Variants in SOCS5 observed in about 807,000 individuals in gnomAD.
The protein encoded by SOCS5 is suppressor of cytokine signaling 5.
A neutral mutation model predicts 42.8 loss-of-function variants in SOCS5; 32 were observed. The ratio of observed to expected loss-of-function variants is 0.75; its 90% confidence interval spans 0.56 to 1.01. The LOEUF (loss-of-function observed/expected upper bound fraction) is 1.01, where lower values mean the gene tolerates loss of function less well. Ranked by LOEUF, SOCS5 falls within the 50% of genes least tolerant of loss-of-function variation. The pLI, the probability that SOCS5 is intolerant of heterozygous loss-of-function variation, is 0.00. For missense variants in SOCS5, 627 were observed against 653.0 expected, an observed-to-expected ratio of 0.96 and a Z score of 0.43; for synonymous variants, 283 against 229.6, an observed-to-expected ratio of 1.23 and a Z score of -2.10.
intron 1 of SOCS5, among the ~76,000 whole-genome samples, chr2:46,720,686 C>T (rs1572834404): frequency 6.6e-6 from 1 of 152,088 alleles, no homozygotes; most frequent in East Asian, 1.9e-4. Flanking sequence ...GGGATCTGGT[C>T]CAATTCCCTG....
At chr2:46,753,886 C>T (rs1198020646) in intron 1 of SOCS5, among the ~76,000 whole-genome samples, 1 of 152,104 alleles carries the variant, frequency 6.6e-6, no homozygotes, top group African/African-American at 2.4e-5. Flanking sequence ...CATCCTAATG[C>T]ATTATAATTA....
intron 1 of SOCS5, among the ~76,000 whole-genome samples, chr2:46,715,976 A>G (rs1469948440): frequency 1.3e-5 from 2 of 151,516 alleles, no homozygotes; most frequent in Non-Finnish European, 1.5e-5. Flanking sequence ...TTTTCTTCCA[A>G]TCTGTTTCTT....
At chr2:46,758,442 G>C (rs924199913) in intron 1 of SOCS5, 77 bp from the exon 2 acceptor site, 9 of 933,732 alleles carry the variant, frequency 9.6e-6, no homozygotes, top group Non-Finnish European at 9.7e-6. Flanking sequence ...ACGGGAAGGG[G>C]TGTGGGCACT....
At chr2:46,751,296 TGATTA>T (rs1558412296) in intron 1 of SOCS5, among the ~76,000 whole-genome samples, 1 of 152,144 alleles carries the variant, frequency 6.6e-6, no homozygotes, top group African/African-American at 2.4e-5. Context: ...TTTATTTCTT[TGATTA>T]CTCACTTCAA....
At position 46,762,825 on chromosome 2, in the gene SOCS5, A is replaced by G. The variant is rs1673899274; in HGVS notation, c.*2684A>G. The stretch of plus-strand genomic sequence containing the variant: ...ATAGTTGAAATAATTAACCCAAGAA[A>G]AGGTTGCTTTGATTTGTACCCATTC... On this transcript the variant is annotated 3_prime_UTR_variant, in exon 2 of 2. Transcript: ENST00000394861. 6.0e-6 allele frequency: 1 copy of G among 165,756 alleles called. No homozygotes were observed. Among genetic ancestry groups the G allele is most frequent in the Non-Finnish European group, 1.5e-5 (1 of 68,080 alleles). 10.3% of individuals were successfully genotyped at this position (165,756 alleles called of 1,614,324 possible). A position where few individuals can be genotyped will look rare whatever the true frequency, so the allele number is the denominator to read the frequency against.
At position 46,712,010 on chromosome 2, in the gene SOCS5, T is replaced by A. The variant is rs72881388; in HGVS notation, c.-13+12561T>A. On this transcript the variant is annotated intron_variant, in intron 1 of 1. Transcript: ENST00000394861. Reference sequence around the variant, plus strand: ...TCTTGAAATAAGGTAATAGAACTTCTCCAGTTTAGTTCTTATTTTTCAAGA... The same window carrying A: ...TCTTGAAATAAGGTAATAGAACTTCACCAGTTTAGTTCTTATTTTTCAAGA... Among the ~76,000 whole-genome samples, 7 of 152,274 alleles carry A rather than the reference T, an allele frequency of 4.6e-5. No homozygotes were observed. The East Asian group carries it at 1.4e-3, about 29-fold the overall frequency.
intron 1 of SOCS5, among the ~76,000 whole-genome samples, chr2:46,713,564 T>C (rs10190001): frequency 0.048 from 7,315 of 152,192 alleles, 626 homozygotes; most frequent in African/African-American, 0.17. Context: ...TTGATTAATC[T>C]AACTTGAGAA....
At chr2:46,751,363 T>G (rs1480715725) in intron 1 of SOCS5, among the ~76,000 whole-genome samples, 2 of 152,116 alleles carry the variant, frequency 1.3e-5, no homozygotes, top group African/African-American at 4.8e-5. Flanking sequence ...TTTTTCTCTT[T>G]TGCTAGTCTG....
chr2:46,751,634 T>C (rs1673624360), intron 1 of SOCS5, among the ~76,000 whole-genome samples: 1 of 152,192 alleles, frequency 6.6e-6, no homozygotes, highest in Non-Finnish European at 1.5e-5. Context: ...ATTATTTTTC[T>C]AAGAAAGTTT....
At chr2:46,752,012 A>G (rs779078599) in intron 1 of SOCS5, among the ~76,000 whole-genome samples, 6 of 152,208 alleles carry the variant, frequency 3.9e-5, no homozygotes, top group Non-Finnish European at 7.3e-5. Context: ...CATGTTGCCT[A>G]TGGCTGCATT....
chr2:46,704,920 C>G (rs894863916), intron 1 of SOCS5, among the ~76,000 whole-genome samples: 2 of 152,068 alleles, frequency 1.3e-5, no homozygotes, highest in Non-Finnish European at 2.9e-5. Flanking sequence ...ACTTTCAACT[C>G]CACCTCCCAA....
intron 1 of SOCS5, among the ~76,000 whole-genome samples, chr2:46,734,616 C>G (rs948223587): frequency 2.6e-5 from 4 of 152,112 alleles, no homozygotes; most frequent in Admixed American, 1.3e-4. Flanking sequence ...TGTCATATTT[C>G]TTCTAGTCCT....
At chr2:46,749,184 C>G (rs1379902516) in intron 1 of SOCS5, among the ~76,000 whole-genome samples, 1 of 152,156 alleles carries the variant, frequency 6.6e-6, no homozygotes, top group Non-Finnish European at 1.5e-5. Context: ...GAAGTAGTCT[C>G]CCTGGAGATG....
chr2:46,724,003 A>G (rs968691254), intron 1 of SOCS5, among the ~76,000 whole-genome samples: 1 of 151,852 alleles, frequency 6.6e-6, no homozygotes, highest in Non-Finnish European at 1.5e-5. Flanking sequence ...TTCATATTTC[A>G]TTATTTCAGA....
intron 1 of SOCS5, among the ~76,000 whole-genome samples, chr2:46,724,772 T>C (rs185443126): frequency 6.0e-4 from 92 of 152,212 alleles, no homozygotes; most frequent in African/African-American, 2.0e-3. Flanking sequence ...ATTTGTTTTA[T>C]GGCCTAGGAT....
chr2:46,720,737 C>G (rs1344504826), intron 1 of SOCS5, among the ~76,000 whole-genome samples: 2 of 152,250 alleles, frequency 1.3e-5, no homozygotes, highest in Non-Finnish European at 2.9e-5. Context: ...TGAAACTAAG[C>G]TAGACAGCTG....
intron 1 of SOCS5, among the ~76,000 whole-genome samples, chr2:46,724,731 A>T (rs1672956951): frequency 6.6e-6 from 1 of 151,748 alleles, no homozygotes; most frequent in South Asian, 2.1e-4. Context: ...AACATATTTT[A>T]TGTTGCTTCA....
chr2:46,712,497 C>G (rs1672647325), intron 1 of SOCS5, among the ~76,000 whole-genome samples: 1 of 152,122 alleles, frequency 6.6e-6, no homozygotes, highest in Non-Finnish European at 1.5e-5. Flanking sequence ...GCGCGTGCCA[C>G]CACGCCCAGA....
At chr2:46,744,821 C>T (rs1165021424) in intron 1 of SOCS5, among the ~76,000 whole-genome samples, 4 of 151,752 alleles carry the variant, frequency 2.6e-5, no homozygotes, top group Admixed American at 1.3e-4. Flanking sequence ...AGCCACCGCG[C>T]CCGGCTGTAA....
Sources: gnomAD v4.1 joint callset for allele counts (sites outside exome capture counted in the v4.1 genomes callset) on GRCh38, gnomAD v4.1.1 for gene constraint, MANE v1.5 for transcripts, NCBI Gene and HGNC (gene_info 2026-07-23, HGNC 2026-07-21) for gene names.